Variants in CDK14 observed in about 807,000 individuals in gnomAD.
CDK14 encodes cyclin dependent kinase 14.
CDK14 carries 34 observed loss-of-function variants against 60.7 expected under a neutral mutation model. The ratio of observed to expected loss-of-function variants is 0.56; its 90% CI spans 0.43 to 0.75. The LOEUF (loss-of-function observed/expected upper bound fraction) is 0.75. Among genes scored for constraint, CDK14 ranks in the 30% least tolerant of loss-of-function variants. The probability of loss-of-function intolerance (pLI) is 0.00; values close to 1 mark genes in which losing one functional copy is unlikely to be tolerated. For synonymous variants in CDK14, 197 were observed against 203.7 expected, an observed-to-expected ratio of 0.97 and a Z score of 0.28; for missense variants, 482 against 564.1, an observed-to-expected ratio of 0.85 and a Z score of 1.47.
At chr7:90,804,219 T>C (rs1788744570) in intron 5 of CDK14, among the ~76,000 whole-genome samples, 1 of 152,200 alleles carries the variant, frequency 6.6e-6, no homozygotes, top group Non-Finnish European at 1.5e-5. Flanking sequence ...CATAAGCAAG[T>C]ACTTAACATA....
Position 91,094,225 on chromosome 7 carries a change from G to A in CDK14, c.1154+14745G>A, listed in dbSNP as rs149015084. Among the ~76,000 whole-genome samples the A allele has an allele frequency of 2.3e-3, 348 of 152,200 alleles. 1 individual carries two copies. Among genetic ancestry groups the A allele is most frequent in the African/African-American group, 8.0e-3 (334 of 41,540 alleles). ...AAAAATTATGAGACCTTTTTCATATGAGTTCACTCATGATCTCAATCCTCT... is the reference window on the plus strand; with the variant it reads ...AAAAATTATGAGACCTTTTTCATATAAGTTCACTCATGATCTCAATCCTCT... On this transcript the variant is annotated intron_variant, in intron 12 of 14. Coordinates refer to ENST00000380050, the MANE Select transcript of CDK14 (RefSeq NM_001287135.2).
intron 11 of CDK14, among the ~76,000 whole-genome samples, chr7:91,054,813 C>G (rs1190278371): frequency 1.3e-5 from 2 of 152,106 alleles, no homozygotes; most frequent in African/African-American, 4.8e-5. Context: ...ACTTACCATG[C>G]CTGTGAGCAC....
chr7:90,766,569 C>T (rs1442244399), intron 4 of CDK14, among the ~76,000 whole-genome samples: 2 of 152,150 alleles, frequency 1.3e-5, no homozygotes, highest in African/African-American at 4.8e-5. Context: ...CCAGTTAGTC[C>T]AACTCCAGAG....
intron 12 of CDK14, among the ~76,000 whole-genome samples, chr7:91,109,317 CTG>C (rs1799408061): frequency 6.6e-6 from 1 of 152,128 alleles, no homozygotes; most frequent in African/African-American, 2.4e-5. Context: ...ACTGTCTGGA[CTG>C]TGTGTTTCCA....
intron 14 of CDK14, among the ~76,000 whole-genome samples, chr7:91,166,953 T>C (rs1801365106): frequency 6.6e-6 from 1 of 152,226 alleles, no homozygotes. Context: ...TTCAGTTCTT[T>C]CTCACCTAGG....
intron 5 of CDK14, among the ~76,000 whole-genome samples, chr7:90,859,734 T>C (rs1046897365): frequency 1.3e-5 from 2 of 152,166 alleles, no homozygotes; most frequent in Non-Finnish European, 2.9e-5. Flanking sequence ...AACACATCAT[T>C]ACCCAAATTT....
intron 2 of CDK14, among the ~76,000 whole-genome samples, chr7:90,706,529 G>A (rs935179630): frequency 1.3e-5 from 2 of 152,170 alleles, no homozygotes; most frequent in Non-Finnish European, 2.9e-5. Flanking sequence ...TTCTAGTGGG[G>A]AAGGAAGACA....
At chr7:90,638,282 C>T (rs1800211316) in intron 2 of CDK14, among the ~76,000 whole-genome samples, 1 of 152,174 alleles carries the variant, frequency 6.6e-6, no homozygotes, top group African/African-American at 2.4e-5. Flanking sequence ...TTGTGCCTTT[C>T]CATGTTTTGT....
intron 5 of CDK14, among the ~76,000 whole-genome samples, chr7:90,823,663 G>T (rs537273811): frequency 2.6e-5 from 4 of 152,240 alleles, no homozygotes; most frequent in African/African-American, 9.6e-5. Context: ...CTGGGCATCG[G>T]CACTTAGTCA....
At chr7:90,969,558 G>A (rs920770127) in intron 9 of CDK14, among the ~76,000 whole-genome samples, 6 of 152,070 alleles carry the variant, frequency 3.9e-5, no homozygotes, top group Non-Finnish European at 7.4e-5. Context: ...CTTAAAATAT[G>A]ACTTCCTTGT....
rs185994080 is a variant in CDK14 at position 90,733,979 on chromosome 7, C to A, written c.369+7167C>A. On this transcript the variant is annotated intron_variant, in intron 3 of 14. Coordinates refer to ENST00000380050, the MANE Select transcript of CDK14 (RefSeq NM_001287135.2). ...TCCTTTCCATGTTTAGTGCTTCCTT[C>A]AGGAGCTCTTGTAAGGCAGGCCTGG... Among the ~76,000 whole-genome samples the A allele has an allele frequency of 1.1e-4, 16 of 152,310 alleles. No homozygotes were observed. The East Asian group carries it at 2.9e-3, about 28-fold the overall frequency.
At chr7:90,877,211 C>T (rs1791590480) in intron 6 of CDK14, among the ~76,000 whole-genome samples, 1 of 152,100 alleles carries the variant, frequency 6.6e-6, no homozygotes, top group South Asian at 2.1e-4. Context: ...TTTAATTATT[C>T]AGAATATATA....
Position 90,817,611 on chromosome 7 carries a change from A to G in CDK14, c.544+26959A>G, listed in dbSNP as rs80219956. 1.1e-3 allele frequency among the ~76,000 whole-genome samples: 167 copies of G among 152,286 alleles called. 1 individual carries two copies. In the East Asian group the frequency reaches 0.026, roughly 24 times the overall value. ...TTTTGTTTGTTTGTTTGTTTTAAGA[A>G]TTGATCCAGTTTCTGTGATGAACAG... On this transcript the variant is annotated intron_variant, in intron 5 of 14. Transcript: ENST00000380050.
At chr7:90,624,759 G>A (rs541437548) in intron 2 of CDK14, among the ~76,000 whole-genome samples, 1 of 152,186 alleles carries the variant, frequency 6.6e-6, no homozygotes, top group African/African-American at 2.4e-5. Context: ...ACAGACAGTT[G>A]CTTAATCTCC....
At position 90,900,674 on chromosome 7, in the gene CDK14, C is replaced by T. The variant is rs144557283; in HGVS notation, c.702+1321C>T. 7.2e-5 allele frequency among the ~76,000 whole-genome samples: 11 copies of T among 152,132 alleles called. No individual in the cohort carries two copies. The East Asian group carries it at 2.1e-3, about 29-fold the overall frequency. On this transcript the variant is annotated intron_variant, in intron 7 of 14. Transcript: ENST00000380050. ...TCACCCAGCTAGTGAGACCACTGGC[C>T]CCGGGGAGCTCAGAAGTCTACCAGC...
chr7:91,010,446 A>G (rs1003687844), intron 10 of CDK14, among the ~76,000 whole-genome samples: 3 of 152,010 alleles, frequency 2.0e-5, no homozygotes, highest in Non-Finnish European at 4.4e-5. Flanking sequence ...GCAGTGTTTC[A>G]TGGTTTTCAG....
intron 2 of CDK14, among the ~76,000 whole-genome samples, chr7:90,656,358 G>C (rs1800750232): frequency 6.6e-6 from 1 of 150,494 alleles, no homozygotes; most frequent in Non-Finnish European, 1.5e-5. Flanking sequence ...AGAGTGGACT[G>C]GTGCTTCTCC....
intron 11 of CDK14, among the ~76,000 whole-genome samples, chr7:91,059,744 G>A (rs1407809607): frequency 1.3e-5 from 2 of 152,188 alleles, no homozygotes; most frequent in Non-Finnish European, 2.9e-5. Flanking sequence ...CTGAGTTCTA[G>A]TTTGATTGCA....
At chr7:91,154,234 C>G (rs1390950640) in intron 14 of CDK14, among the ~76,000 whole-genome samples, 1 of 150,486 alleles carries the variant, frequency 6.6e-6, no homozygotes, top group Non-Finnish European at 1.5e-5. Context: ...TTTTTTTCTG[C>G]TTAGTAAATC....
Sources: gnomAD v4.1 joint callset for allele counts (sites outside exome capture counted in the v4.1 genomes callset) on GRCh38, gnomAD v4.1.1 for gene constraint, MANE v1.5 for transcripts, NCBI Gene and HGNC (gene_info 2026-07-23, HGNC 2026-07-21) for gene names.